TP63: variants seen among roughly 807,000 people sequenced by gnomAD.
The protein encoded by TP63 is tumor protein 63.
A neutral mutation model predicts 82.8 loss-of-function variants in TP63; 17 were observed. That is an observed-to-expected ratio of 0.21 (90% confidence interval 0.14 to 0.31). TP63 has a LOEUF of 0.31. Ranked by LOEUF, TP63 falls within the 10% of genes least tolerant of loss-of-function variation. TP63 has a pLI of 1.00. For missense variants in TP63, 648 were observed against 895.3 expected (o/e 0.72, Z 3.52); for synonymous variants, 330 against 321.7 (o/e 1.03, Z -0.28).
intron 10 of TP63, among the ~76,000 whole-genome samples, chr3:189,874,261 G>A (rs1718772787): frequency 1.3e-5 from 2 of 152,064 alleles, no homozygotes; most frequent in Admixed American, 1.3e-4. Context: ...TAGTAGAGAT[G>A]GGGTTTCACC....
In TP63 at chr3:189,811,173, A is replaced by G. The variant is rs530185097; in HGVS notation, c.579+2647A>G. Among the ~76,000 whole-genome samples, 8 of 152,322 alleles carry G rather than the reference A, an allele frequency of 5.3e-5. No homozygotes were observed. The South Asian group carries it at 1.4e-3, about 28-fold the overall frequency. On this transcript the variant is annotated intron_variant, in intron 4 of 13. Transcript: ENST00000264731. ...CTTAGCCAAGTCACTTGATCTTTCT[A>G]AAATTCAGTCTGTGCCTCAGATGAG...
the TP63 span, among the ~76,000 whole-genome samples, chr3:189,624,223 T>C: frequency 2.0e-5 from 3 of 152,164 alleles, no homozygotes; most frequent in South Asian, 2.1e-4. Context: ...TAGTGGTAAA[T>C]ATATTTACAT....
At chr3:189,813,479 G>A (rs138911546) in intron 4 of TP63, among the ~76,000 whole-genome samples, 1 of 152,094 alleles carries the variant, frequency 6.6e-6, no homozygotes, top group African/African-American at 2.4e-5. Context: ...GGTGAACATA[G>A]TTCAGTCTGT....
chr3:189,742,193 A>G (rs1017846854), intron 3 of TP63, among the ~76,000 whole-genome samples: 2 of 147,406 alleles, frequency 1.4e-5, no homozygotes, highest in Non-Finnish European at 3.0e-5. Flanking sequence ...CAGTGAGCTA[A>G]GATTGTGCCA....
chr3:189,883,191 TA>T (rs1553861494), intron 10 of TP63, among the ~76,000 whole-genome samples: 1 of 151,976 alleles, frequency 6.6e-6, no homozygotes, highest in East Asian at 1.9e-4. Context: ...TAATTTTTTT[TA>T]AAAAAGGTTG....
intron 3 of TP63, among the ~76,000 whole-genome samples, chr3:189,739,424 G>T (rs1381765008): frequency 6.6e-6 from 1 of 152,142 alleles, no homozygotes; most frequent in African/African-American, 2.4e-5. Flanking sequence ...CAAAGAATCA[G>T]ATTTTTAGAT....
At chr3:189,830,492 G>A (rs1712155688) in intron 4 of TP63, among the ~76,000 whole-genome samples, 1 of 152,160 alleles carries the variant, frequency 6.6e-6, no homozygotes, top group Non-Finnish European at 1.5e-5. Flanking sequence ...GGAGTTGAAA[G>A]TCATCACTTT....
chr3:189,780,892 A>G (rs529202707), intron 3 of TP63, among the ~76,000 whole-genome samples: 1 of 152,192 alleles, frequency 6.6e-6, no homozygotes, highest in Non-Finnish European at 1.5e-5. Flanking sequence ...TTTCCGGATC[A>G]TGTTGATTCT....
chr3:189,611,050 CAT>C, the TP63 span, among the ~76,000 whole-genome samples: 1,915 of 152,272 alleles, frequency 0.013, 43 homozygotes, highest in African/African-American at 0.044. Context: ...CCTCCCATAA[CAT>C]GTGGGAATAT....
intron 1 of TP63, among the ~76,000 whole-genome samples, chr3:189,726,817 T>A (rs565532553): frequency 5.9e-5 from 9 of 152,236 alleles, no homozygotes; most frequent in Non-Finnish European, 1.0e-4. Flanking sequence ...TTCACAAGTA[T>A]TAACTCAAAC....
chr3:189,743,515 C>T (rs1222734894), intron 3 of TP63, among the ~76,000 whole-genome samples: 2 of 151,990 alleles, frequency 1.3e-5, no homozygotes, highest in African/African-American at 2.4e-5. Context: ...CACACACACA[C>T]ACACACAAAC....
intron 4 of TP63, among the ~76,000 whole-genome samples, chr3:189,815,099 C>G (rs546078703): frequency 6.6e-6 from 1 of 151,974 alleles, no homozygotes; most frequent in Non-Finnish European, 1.5e-5. Context: ...TTTCTACTCC[C>G]TCCTTCTCTT....
intron 3 of TP63, among the ~76,000 whole-genome samples, chr3:189,769,917 A>G (rs1476154838): frequency 6.6e-6 from 1 of 152,252 alleles, no homozygotes; most frequent in African/African-American, 2.4e-5. Context: ...AACATTTGTT[A>G]CCATTGATTA....
intron 1 of TP63, among the ~76,000 whole-genome samples, chr3:189,734,504 C>T (rs1255804089): frequency 2.0e-5 from 3 of 152,074 alleles, no homozygotes; most frequent in Non-Finnish European, 4.4e-5. Flanking sequence ...TGTTCCCTTC[C>T]CCAGTGGTAT....
chr3:189,841,902 CA>C (rs1349281903), intron 4 of TP63, among the ~76,000 whole-genome samples: 1 of 152,142 alleles, frequency 6.6e-6, no homozygotes, highest in African/African-American at 2.4e-5. Flanking sequence ...TGTCTTGGAC[CA>C]GGGGGTAAAA....
In TP63 at chr3:189,808,256, C is replaced by G. The variant is rs1185849009; in HGVS notation, c.325-16C>G. On this transcript the variant is annotated splice_polypyrimidine_tract_variant and intron_variant, in intron 3 of 13. Coordinates refer to ENST00000264731, the MANE Select transcript of TP63 (RefSeq NM_003722.5). ...GCTTCAGCGGCTAATATTGGGGTTT[C>G]TGGGTGTCCTTGCAGCCACAGTACA... The G allele has an allele frequency of 1.4e-5, 23 of 1,614,088 alleles. No individual in the cohort carries two copies. The highest frequency in any genetic ancestry group is 2.7e-5 in the African/African-American group (2 of 74,920).
At chr3:189,757,731 C>T (rs1242231144) in intron 3 of TP63, among the ~76,000 whole-genome samples, 11 of 152,166 alleles carry the variant, frequency 7.2e-5, no homozygotes, top group Non-Finnish European at 1.6e-4. Flanking sequence ...GAGGGCTCCA[C>T]CCCCTACCCC....
At chr3:189,711,137 A>T (rs1379218247) in intron 1 of TP63, among the ~76,000 whole-genome samples, 1 of 152,142 alleles carries the variant, frequency 6.6e-6, no homozygotes, top group East Asian at 1.9e-4. Context: ...TTTGACCTTG[A>T]TGTTGCCACT....
intron 3 of TP63, among the ~76,000 whole-genome samples, chr3:189,744,022 A>G (rs994904978): frequency 1.3e-5 from 2 of 152,144 alleles, no homozygotes; most frequent in African/African-American, 4.8e-5. Flanking sequence ...CAGCTGCAGC[A>G]TGACACCATT....
Sources: allele counts gnomAD v4.1 joint callset (sites outside exome capture counted in the v4.1 genomes callset), GRCh38; gene constraint gnomAD v4.1.1; transcripts MANE v1.5; gene names NCBI Gene and HGNC (gene_info 2026-07-23, HGNC 2026-07-21).